Variants in LARS2 observed in about 807,000 individuals in gnomAD.
LARS2 encodes the protein leucine--tRNA ligase, mitochondrial.
LARS2 carries 81 observed loss-of-function variants against 116.6 expected under a neutral mutation model. The ratio of observed to expected loss-of-function variants is 0.69; its 90% confidence interval spans 0.58 to 0.84. LARS2 has a LOEUF of 0.84. LARS2 is among the 40% of genes least tolerant of loss of function. LARS2 has a pLI of 0.00. For synonymous variants in LARS2, 396 were observed against 407.2 expected (o/e 0.97, Z 0.33); for missense variants, 968 against 1,114.5 (o/e 0.87, Z 1.87).
chr3:45,436,645 T>C (rs942781479), intron 6 of LARS2, among the ~76,000 whole-genome samples: 1 of 149,694 alleles, frequency 6.7e-6, no homozygotes, highest in African/African-American at 2.5e-5. Flanking sequence ...ATACAAAAAA[T>C]TAGCCGGGCG....
At chr3:45,458,020 T>A (rs759673731) in intron 7 of LARS2, among the ~76,000 whole-genome samples, 4 of 152,220 alleles carry the variant, frequency 2.6e-5, no homozygotes, top group Non-Finnish European at 4.4e-5. Flanking sequence ...ATGTGCTTTA[T>A]CTTGAAATGA....
chr3:45,446,281 G>A (rs183296630), intron 6 of LARS2, among the ~76,000 whole-genome samples: 1 of 152,214 alleles, frequency 6.6e-6, no homozygotes, highest in Admixed American at 6.5e-5. Flanking sequence ...AGTAAATTTG[G>A]GGAACCTTTG....
chr3:45,541,136 G>C (rs2125771149), intron 20 of LARS2, among the ~76,000 whole-genome samples: 1 of 152,304 alleles, frequency 6.6e-6, no homozygotes, highest in Non-Finnish European at 1.5e-5. Context: ...CACTGCAGCT[G>C]CACTTGGACA....
chr3:45,523,327 A>G (rs373792682), intron 19 of LARS2, among the ~76,000 whole-genome samples: 2 of 152,288 alleles, frequency 1.3e-5, no homozygotes, highest in African/African-American at 4.8e-5. Flanking sequence ...AGCAGGTCTC[A>G]GTGCATTTCT....
chr3:45,437,471 G>GGAATTT (rs1698827005), intron 6 of LARS2, among the ~76,000 whole-genome samples: 1 of 152,214 alleles, frequency 6.6e-6, no homozygotes, highest in Non-Finnish European at 1.5e-5. Context: ...TGGCAAAGAT[G>GGAATTT]GAATTTGACA....
intron 6 of LARS2, among the ~76,000 whole-genome samples, chr3:45,438,259 C>T (rs916157695): frequency 1.5e-4 from 23 of 152,174 alleles, no homozygotes; most frequent in Non-Finnish European, 2.4e-4. Context: ...GCTTGATTAC[C>T]GGCACCTCCT....
chr3:45,401,076 G>T (rs1433996702), intron 4 of LARS2, among the ~76,000 whole-genome samples: 1 of 152,160 alleles, frequency 6.6e-6, no homozygotes, highest in Admixed American at 6.5e-5. Flanking sequence ...CTCCCAAAGT[G>T]CTGTGATTAC....
At chr3:45,430,482 G>T (rs1456431254) in intron 6 of LARS2, among the ~76,000 whole-genome samples, 1 of 145,574 alleles carries the variant, frequency 6.9e-6, no homozygotes, top group Non-Finnish European at 1.5e-5. Context: ...GGGTTTCACC[G>T]TGTTAGCCAG....
At position 45,436,714 on chromosome 3, in the gene LARS2, A is replaced by T. The variant is rs950503620; in HGVS notation, c.517-10177A>T. ...GAGGCTGAGGCAAGAGAATGGCGTG[A>T]ACCCGGGAAGCGGAGCTTGCAGTGA... On this transcript the variant is annotated intron_variant, in intron 6 of 21. Transcript: ENST00000645846. Among the ~76,000 whole-genome samples, 3 of 151,260 alleles carry T rather than the reference A, an allele frequency of 2.0e-5. No homozygotes were observed. In the Admixed American group the frequency reaches 2.0e-4, roughly 10 times the overall value.
At chr3:45,531,485 C>T (rs2578672) in intron 20 of LARS2, among the ~76,000 whole-genome samples, 78,327 of 151,704 alleles carry the variant, frequency 0.52, 24,124 homozygotes, top group East Asian at 0.78. Context: ...TCAAGCAGAC[C>T]TCGTGCCTCA....
intron 4 of LARS2, among the ~76,000 whole-genome samples, chr3:45,406,660 T>C (rs1228776392): frequency 6.6e-6 from 1 of 152,198 alleles, no homozygotes. Context: ...GGTTTGTGTA[T>C]GTGAGATGAT....
At chr3:45,421,057 AAG>A (rs1698504992) in intron 6 of LARS2, 2 of 152,172 alleles carry the variant, frequency 1.3e-5, no homozygotes, top group South Asian at 4.1e-4. Flanking sequence ...CTATTTGAAA[AAG>A]TGACTTTTAT....
At chr3:45,436,598 T>C (rs1462963646) in intron 6 of LARS2, among the ~76,000 whole-genome samples, 1 of 151,576 alleles carries the variant, frequency 6.6e-6, no homozygotes, top group Non-Finnish European at 1.5e-5. Context: ...ATCGAGACCA[T>C]CCTGGCTAAC....
At chr3:45,414,858 G>T (rs1040134956) in intron 4 of LARS2, among the ~76,000 whole-genome samples, 4 of 152,206 alleles carry the variant, frequency 2.6e-5, no homozygotes, top group African/African-American at 9.6e-5. Flanking sequence ...TTCTTGGTCA[G>T]TCCTTCCCCA....
At position 45,537,816 on chromosome 3, in the gene LARS2, G is replaced by A. The variant is rs145559371; in HGVS notation, c.2405-4013G>A. On this transcript the variant is annotated intron_variant, in intron 20 of 21. Transcript: ENST00000645846. The stretch of plus-strand genomic sequence containing the variant: ...CATGATCACTCTGGGGTGCCATGGT[G>A]ACATGGTGACCTCACCACCTCTCAG... Among the ~76,000 whole-genome samples, 438 of 152,308 alleles carry A rather than the reference G, an allele frequency of 2.9e-3. 3 individuals are homozygous for A. Among genetic ancestry groups the A allele is most frequent in the African/African-American group, 9.9e-3 (413 of 41,566 alleles).
chr3:45,525,524 G>C (rs1236278166), intron 20 of LARS2, among the ~76,000 whole-genome samples: 3 of 152,160 alleles, frequency 2.0e-5, no homozygotes, highest in African/African-American at 7.2e-5. Context: ...GTTTCCTTTG[G>C]TTCATTCTTT....
At chr3:45,403,083 C>G (rs1453097625) in intron 4 of LARS2, among the ~76,000 whole-genome samples, 1 of 93,668 alleles carries the variant, frequency 1.1e-5, no homozygotes, top group South Asian at 3.8e-4. Context: ...CCAGCCTGGG[C>G]AACAAGAGCG....
intron 21 of LARS2, among the ~76,000 whole-genome samples, chr3:45,546,708 C>T (rs548815086): frequency 1.4e-4 from 21 of 152,046 alleles, no homozygotes; most frequent in African/African-American, 4.8e-4. Context: ...GGTCACCTTC[C>T]CTCATTGAAT....
Position 45,400,236 on chromosome 3 carries a change from CT to C in LARS2, c.235-6del. ...TGCTTAATAAATACTCATTGTCGTT[CT>C]TTCCTAGAAATCGAAGCCAAAATTT... On this transcript the variant is annotated splice_region_variant and splice_polypyrimidine_tract_variant and intron_variant, in intron 3 of 21. Transcript: ENST00000645846. The C allele has an allele frequency of 6.2e-7, 1 of 1,611,734 alleles. No homozygotes were observed. Among genetic ancestry groups the C allele is most frequent in the Non-Finnish European group, 8.5e-7 (1 of 1,178,862 alleles).
Sources: gnomAD v4.1 joint callset for allele counts (sites outside exome capture counted in the v4.1 genomes callset) on GRCh38, gnomAD v4.1.1 for gene constraint, MANE v1.5 for transcripts, NCBI Gene and HGNC (gene_info 2026-07-23, HGNC 2026-07-21) for gene names.